GLUD1: variants seen among roughly 807,000 people sequenced by gnomAD.
GLUD1 encodes glutamate dehydrogenase 1, mitochondrial.
Under a neutral mutation model 56.0 loss-of-function variants are expected in GLUD1, and 22 were observed. That is an observed-to-expected ratio of 0.39 (90% CI 0.28 to 0.56). GLUD1 has a LOEUF of 0.56. Among genes scored for constraint, GLUD1 ranks in the 20% least tolerant of loss-of-function variants. The pLI is 0.58. For synonymous variants in GLUD1, 223 were observed against 269.9 expected (o/e 0.83, Z 1.70); for missense variants, 451 against 732.0 (o/e 0.62, Z 4.43).
chr10:87,053,478 G>C, intron 11 of GLUD1, 74 bp from the exon 12 acceptor site: 1 of 959,012 alleles, frequency 1.0e-6, no homozygotes, highest in South Asian at 1.3e-5. Flanking sequence ...GATGACAAAG[G>C]ATTCTCAAGT....
At chr10:87,080,570 G>A (rs1406710302) in intron 1 of GLUD1, among the ~76,000 whole-genome samples, 12 of 151,704 alleles carry the variant, frequency 7.9e-5, no homozygotes, top group Non-Finnish European at 1.8e-4. Context: ...CTGCGATGTG[G>A]GGAGCGCCTT....
In GLUD1 at chr10:87,083,264, A is replaced by T. The variant is rs545819343; in HGVS notation, c.446-6608T>A. Reference sequence around the variant, plus strand: ...AGAATATGACTGCAAAAAGGAAGGTACTCTACTTAACTCAATGGATTGGGA... The same window carrying T: ...AGAATATGACTGCAAAAAGGAAGGTTCTCTACTTAACTCAATGGATTGGGA... On this transcript the variant is annotated intron_variant, in intron 1 of 12. Transcript: ENST00000277865. 1.4e-4 allele frequency among the ~76,000 whole-genome samples: 21 copies of T among 151,880 alleles called. No homozygotes were observed. In the South Asian group the frequency reaches 3.5e-3, roughly 26 times the overall value.
rs1023811037 is a variant in GLUD1, at chr10:87,060,036, A to G, written c.1278+125T>C. The G allele has an allele frequency of 4.8e-5, 35 of 722,244 alleles. No individual in the cohort carries two copies. The Admixed American group carries it at 6.6e-4, about 14-fold the overall frequency. 44.7% of individuals were successfully genotyped at this position (722,244 alleles called of 1,614,324 possible). On this transcript the variant is annotated intron_variant, in intron 9 of 12. Coordinates refer to ENST00000277865, the MANE Select transcript of GLUD1 (RefSeq NM_005271.5). ...AACCATGCTTCTACTATATTTTCTC[A>G]AAAGTGAAAAAGATGAATTCACTAG...
At chr10:87,064,008 G>A (rs1454988549) in intron 5 of GLUD1, among the ~76,000 whole-genome samples, 2 of 152,094 alleles carry the variant, frequency 1.3e-5, no homozygotes, top group African/African-American at 2.4e-5. Context: ...CCTCCCGATA[G>A]CTGGGACTAC....
intron 1 of GLUD1, among the ~76,000 whole-genome samples, chr10:87,077,304 C>G (rs1412389940): frequency 2.0e-5 from 3 of 152,058 alleles, no homozygotes; most frequent in Admixed American, 2.0e-4. Context: ...AGCCACTATG[C>G]CTGGCAAGAA....
chr10:87,091,376 G>A (rs1043108334), intron 1 of GLUD1, among the ~76,000 whole-genome samples: 1 of 152,108 alleles, frequency 6.6e-6, no homozygotes, highest in African/African-American at 2.4e-5. Context: ...CTGGTCTCAG[G>A]CAGAACCATA....
chr10:87,093,289 A>G (rs1841573642), intron 1 of GLUD1, among the ~76,000 whole-genome samples: 1 of 151,030 alleles, frequency 6.6e-6, no homozygotes, highest in South Asian at 2.1e-4. Context: ...CTCCAACAAG[A>G]CTCCTCGCCT....
In GLUD1 at chr10:87,053,354, C is replaced by T; in HGVS notation, c.1545G>A (p.Glu515=). The T allele has an allele frequency of 6.2e-7, 1 of 1,609,566 alleles. No individual in the cohort carries two copies. Among genetic ancestry groups the T allele is most frequent in the South Asian group, 1.1e-5 (1 of 90,978 alleles). ...IVHSGLAYTM[E]RSARQIMRTA... is the part of the protein sequence containing the mutation. ...TCTGCACACATACCCTGGCAGAACG[C>T]TCCATTGTGTATGCCAAGCCAGAGT... is the stretch of plus-strand genomic sequence containing the variant. Residue 515 remains glutamate, a synonymous_variant, in exon 12 of 13, where the codon GAG becomes GAA. Transcript: ENST00000277865.
chr10:87,063,061 TTTTTTTTG>T (rs1025274203), intron 5 of GLUD1, among the ~76,000 whole-genome samples: 7 of 128,824 alleles, frequency 5.4e-5, no homozygotes, highest in South Asian at 2.2e-4. Context: ...TTTTCTGTTT[TTTTTTTTG>T]TTTGTTTGTT....
intron 1 of GLUD1, among the ~76,000 whole-genome samples, chr10:87,081,946 CAAAAAAAAAAAA>C (rs71019464): frequency 1.2e-5 from 1 of 85,648 alleles, no homozygotes; most frequent in East Asian, 4.8e-4. Flanking sequence ...ATGATCAATA[CAAAAAAAAAAAA>C]AAAAAGAAAA....
At chr10:87,057,586 T>TAA (rs1182905921) in intron 11 of GLUD1, 105 bp downstream of exon 11, 1 of 772,818 alleles carries the variant, frequency 1.3e-6, no homozygotes, top group Non-Finnish European at 2.4e-6. Flanking sequence ...ACTGTCAAGC[T>TAA]AATTACAAAG....
At chr10:87,056,502 CCAGGCTGGT>C (rs1845779815) in intron 11 of GLUD1, among the ~76,000 whole-genome samples, 1 of 152,062 alleles carries the variant, frequency 6.6e-6, no homozygotes, top group East Asian at 1.9e-4. Flanking sequence ...ACCATGTTGG[CCAGGCTGGT>C]CTTGAACTCC....
At chr10:87,060,467 T>C in intron 8 of GLUD1, 1 of 661,072 alleles carries the variant, frequency 1.5e-6, no homozygotes, top group East Asian at 2.7e-5. Context: ...TTTACAGGAG[T>C]GTCAGGCAGA....
At chr10:87,066,320 C>T (rs1295024531) in intron 5 of GLUD1, among the ~76,000 whole-genome samples, 1 of 152,122 alleles carries the variant, frequency 6.6e-6, no homozygotes, top group Non-Finnish European at 1.5e-5. Context: ...TTCAAATGCA[C>T]ACTTAGCTGA....
In GLUD1 at chr10:87,094,833, C is replaced by T; in HGVS notation, c.-64G>A. The T allele has an allele frequency of 1.5e-6, 2 of 1,301,074 alleles. No homozygotes were observed. The highest frequency in any genetic ancestry group is 2.1e-6 in the Non-Finnish European group (2 of 946,956). The allele number at this position is 1,301,074 out of a possible 1,614,324, so 80.6% of individuals were successfully genotyped here. On this transcript the variant is annotated 5_prime_UTR_variant, in exon 1 of 13. Coordinates refer to ENST00000277865, the MANE Select transcript of GLUD1 (RefSeq NM_005271.5). This position sits in a 1 kb window ranked among gnomAD's most constrained non-coding sequence, Gnocchi z 6.6. ...CAGGCGCGCTTTCTCAGACTCCCCGCGACTAGGGAGGAAGGGTCCCGCGCG... is the reference window on the plus strand; with the variant it reads ...CAGGCGCGCTTTCTCAGACTCCCCGTGACTAGGGAGGAAGGGTCCCGCGCG...
intron 4 of GLUD1, among the ~76,000 whole-genome samples, chr10:87,069,559 C>T (rs1253685835): frequency 2.0e-5 from 2 of 100,454 alleles, no homozygotes; most frequent in Non-Finnish European, 3.8e-5. Flanking sequence ...TATTATGTCT[C>T]CCCATAAAAT....
intron 4 of GLUD1, among the ~76,000 whole-genome samples, chr10:87,069,632 T>G (rs183267802): frequency 2.0e-4 from 31 of 152,078 alleles, no homozygotes; most frequent in Non-Finnish European, 3.4e-4. Flanking sequence ...GTCAACAGAA[T>G]CAGTATATTG....
intron 5 of GLUD1, among the ~76,000 whole-genome samples, chr10:87,066,386 A>C (rs766285494): frequency 7.9e-5 from 12 of 152,152 alleles, no homozygotes; most frequent in Non-Finnish European, 1.6e-4. Flanking sequence ...CAGGACAAAG[A>C]CCAAAGTTCT....
chr10:87,057,209 G>A (rs1845803345), intron 11 of GLUD1, among the ~76,000 whole-genome samples: 1 of 152,036 alleles, frequency 6.6e-6, no homozygotes, highest in African/African-American at 2.4e-5. Context: ...GGATGGTGTC[G>A]ATGACTTGAC....
Sources: gnomAD v4.1 joint callset for allele counts (sites outside exome capture counted in the v4.1 genomes callset) on GRCh38, gnomAD v4.1.1 for gene constraint, Gnocchi (gnomAD v3.1) non-coding constraint, MANE v1.5 for transcripts, NCBI Gene and HGNC (gene_info 2026-07-23, HGNC 2026-07-21) for gene names.